The following PPP3R1 variants were observed in gnomAD, a reference collection of about 807,000 sequenced individuals.
PPP3R1 encodes protein phosphatase 3 regulatory subunit B, alpha, also known as calcineurin subunit B type 1.
A neutral mutation model predicts 22.6 loss-of-function variants in PPP3R1; 5 were observed. The ratio of observed to expected loss-of-function variants is 0.22; its 90% CI spans 0.12 to 0.46. The LOEUF (loss-of-function observed/expected upper bound fraction) is 0.46. Ranked by LOEUF, PPP3R1 falls within the 20% of genes least tolerant of loss-of-function variation. The pLI is 0.99. For synonymous variants in PPP3R1, 56 were observed against 65.2 expected, an observed-to-expected ratio of 0.86 and a Z score of 0.68; for missense variants, 61 against 203.2, an observed-to-expected ratio of 0.30 and a Z score of 4.25.
Position 68,179,766 on chromosome 2 carries a change from C to G in PPP3R1, c.*1197G>C, listed in dbSNP as rs1384731882. ...AGAAAAAAAAACCAGTATGCATGCT[C>G]TATCCCTCGTGGTAAAGAAATTTAA... On this transcript the variant is annotated 3_prime_UTR_variant, in exon 6 of 6. Transcript: ENST00000234310. 3 of 152,174 alleles carry G rather than the reference C, an allele frequency of 2.0e-5. No homozygotes were observed. The highest frequency in any genetic ancestry group is 4.1e-4 in the South Asian group (2 of 4,836). 9.4% of individuals were successfully genotyped at this position (152,174 alleles called of 1,614,324 possible).
At chr2:68,194,010 C>G (rs1356301161) in intron 2 of PPP3R1, among the ~76,000 whole-genome samples, 1 of 152,088 alleles carries the variant, frequency 6.6e-6, no homozygotes, top group Non-Finnish European at 1.5e-5. Context: ...TACTCTTTTT[C>G]ATATGTTTTG....
chr2:68,214,739 TAAAAC>T (rs1558636142), intron 2 of PPP3R1, among the ~76,000 whole-genome samples: 3 of 152,062 alleles, frequency 2.0e-5, no homozygotes, highest in Non-Finnish European at 2.9e-5. Context: ...TCAAAGAACT[TAAAAC>T]AATTACCATT....
At chr2:68,249,610 C>G (rs1558646810) in intron 1 of PPP3R1, among the ~76,000 whole-genome samples, 1 of 151,856 alleles carries the variant, frequency 6.6e-6, no homozygotes, top group African/African-American at 2.4e-5. Context: ...AGGGGAAATT[C>G]CTAGGAGCTC....
At chr2:68,181,103 TA>T (rs2103709941) in intron 5 of PPP3R1, 93 bp from the exon 6 acceptor site, 2 of 1,262,144 alleles carry the variant, frequency 1.6e-6, no homozygotes, top group Admixed American at 1.9e-5. Context: ...AAAATATTAC[TA>T]GGGGGCTGGG....
rs1173513160 is a variant in PPP3R1 at position 68,179,130 on chromosome 2, T to C, written c.*1833A>G. 1.3e-5 allele frequency: 2 copies of C among 152,616 alleles called. No individual in the cohort carries two copies. Among genetic ancestry groups the C allele is most frequent in the Admixed American group, 1.3e-4 (2 of 15,274 alleles). The allele number at this position is 152,616 out of a possible 1,614,324, so 9.5% of individuals were successfully genotyped here. A position where few individuals can be genotyped will look rare whatever the true frequency, so the allele number is the denominator to read the frequency against. ...AAATAGAAAGCATTTGCTAAAATAT[T>C]TGTAACAAATACTTATGTACAAAAA... On this transcript the variant is annotated 3_prime_UTR_variant, in exon 6 of 6. Coordinates refer to ENST00000234310, the MANE Select transcript of PPP3R1 (RefSeq NM_000945.4).
rs771221865 is a variant in PPP3R1, at chr2:68,232,259, GTGTGTGTA to G, written c.4-15136_4-15129del. 2.4e-3 allele frequency among the ~76,000 whole-genome samples: 232 copies of G among 97,886 alleles called. 4 individuals carry two copies. The highest frequency in any genetic ancestry group is 0.011 in the African/African-American group (142 of 13,274). 64.2% of individuals were successfully genotyped at this position (97,886 alleles called of 152,430 possible). ...TGTGTGTGTGTGTGTGTGTGTGTGTGTGTGTGTATATATATATACACACACACAAAAAT... is the reference window on the plus strand; with the variant it reads ...TGTGTGTGTGTGTGTGTGTGTGTGTGTATATATATACACACACACAAAAAT... On this transcript the variant is annotated intron_variant, in intron 1 of 5. Transcript: ENST00000234310.
At chr2:68,237,157 A>G (rs1298260358) in intron 1 of PPP3R1, among the ~76,000 whole-genome samples, 1 of 152,304 alleles carries the variant, frequency 6.6e-6, no homozygotes, top group South Asian at 2.1e-4. Context: ...TGACTCTGTT[A>G]ATCACTACAT....
chr2:68,208,206 A>G (rs926502404), intron 2 of PPP3R1, among the ~76,000 whole-genome samples: 26 of 152,228 alleles, frequency 1.7e-4, no homozygotes, highest in Admixed American at 1.5e-3. Flanking sequence ...ATAGATCTAC[A>G]TAACACCCAA....
At chr2:68,214,443 AC>A (rs772991826) in intron 2 of PPP3R1, among the ~76,000 whole-genome samples, 11 of 152,344 alleles carry the variant, frequency 7.2e-5, no homozygotes, top group Non-Finnish European at 8.8e-5. Flanking sequence ...AGCAAAAAAA[AC>A]AACCCCATTA....
intron 5 of PPP3R1, among the ~76,000 whole-genome samples, chr2:68,185,251 T>C (rs550477865): frequency 6.7e-6 from 1 of 150,058 alleles, no homozygotes; most frequent in African/African-American, 2.4e-5. Flanking sequence ...AAAAATAAAC[T>C]AAAATAAATA....
At chr2:68,200,939 A>T (rs1020653560) in intron 2 of PPP3R1, among the ~76,000 whole-genome samples, 1 of 152,196 alleles carries the variant, frequency 6.6e-6, no homozygotes, top group Non-Finnish European at 1.5e-5. Flanking sequence ...GCAGTAAGTT[A>T]ATGAAAAGCA....
In PPP3R1 at chr2:68,180,546, T is replaced by C. The variant is rs1480498646; in HGVS notation, c.*417A>G. On this transcript the variant is annotated 3_prime_UTR_variant, in exon 6 of 6. Transcript: ENST00000234310. ...TGTTTTATGTTCTGCTTGGCACTTTTGTACTCTATTGTTTTGTTTCTGAAT... is the reference window on the plus strand; with the variant it reads ...TGTTTTATGTTCTGCTTGGCACTTTCGTACTCTATTGTTTTGTTTCTGAAT... The C allele has an allele frequency of 1.3e-5, 2 of 152,998 alleles. No homozygotes were observed. Among genetic ancestry groups the C allele is most frequent in the African/African-American group, 2.4e-5 (1 of 41,480 alleles). 9.5% of individuals were successfully genotyped at this position (152,998 alleles called of 1,614,324 possible).
At chr2:68,241,316 AT>A (rs779946655) in intron 1 of PPP3R1, among the ~76,000 whole-genome samples, 21 of 151,774 alleles carry the variant, frequency 1.4e-4, no homozygotes, top group South Asian at 2.1e-4. Flanking sequence ...GTTATTTTTT[AT>A]TTTTTTTCCC....
chr2:68,209,832 A>G (rs1356097253), intron 2 of PPP3R1, among the ~76,000 whole-genome samples: 1 of 152,152 alleles, frequency 6.6e-6, no homozygotes, highest in Non-Finnish European at 1.5e-5. Context: ...CAACAAAAAC[A>G]GCTCAAGGTA....
chr2:68,232,255 G>C, intron 1 of PPP3R1, among the ~76,000 whole-genome samples: 1 of 70,192 alleles, frequency 1.4e-5, no homozygotes, highest in South Asian at 5.9e-4. Context: ...GTGTGTGTGT[G>C]TGTGTGTGTG....
At chr2:68,224,074 A>G (rs1381611681) in intron 1 of PPP3R1, among the ~76,000 whole-genome samples, 2 of 152,196 alleles carry the variant, frequency 1.3e-5, no homozygotes, top group Non-Finnish European at 2.9e-5. Flanking sequence ...GAAACAGTTA[A>G]TAAGAGATGT....
At chr2:68,214,028 A>C (rs1253179772) in intron 2 of PPP3R1, among the ~76,000 whole-genome samples, 1 of 152,134 alleles carries the variant, frequency 6.6e-6, no homozygotes, top group Admixed American at 6.6e-5. Context: ...AATTTGACAA[A>C]AACAAGCAGT....
Position 68,252,147 on chromosome 2 carries a change from G to C in PPP3R1, c.-20C>G, listed in dbSNP as rs750035019. On this transcript the variant is annotated 5_prime_UTR_variant, in exon 1 of 6. Transcript: ENST00000234310. ...CACCATTTTGCTCGGCGGGTCGGCG[G>C]CTCGCTGGCTCGCTGGCTCGGAGAA... 1 of 1,389,478 alleles carries C rather than the reference G, an allele frequency of 7.2e-7. No individual in the cohort carries two copies. Among genetic ancestry groups the C allele is most frequent in the Non-Finnish European group, 9.6e-7 (1 of 1,041,042 alleles). The allele number at this position is 1,389,478 out of a possible 1,614,324, so 86.1% of individuals were successfully genotyped here. A position where few individuals can be genotyped will look rare whatever the true frequency, so the allele number is the denominator to read the frequency against.
intron 2 of PPP3R1, among the ~76,000 whole-genome samples, chr2:68,215,606 G>C (rs1669564294): frequency 6.6e-6 from 1 of 152,182 alleles, no homozygotes; most frequent in Admixed American, 6.5e-5. Flanking sequence ...TGACTGCAAA[G>C]GGATCTGAGA....
Sources: allele counts gnomAD v4.1 joint callset (sites outside exome capture counted in the v4.1 genomes callset), GRCh38; gene constraint gnomAD v4.1.1; transcripts MANE v1.5; gene names NCBI Gene and HGNC (gene_info 2026-07-23, HGNC 2026-07-21).